The following L3MBTL4 variants were observed in gnomAD, a reference collection of about 807,000 sequenced individuals.
The protein encoded by L3MBTL4 is L3MBTL histone methyl-lysine binding protein 4.
A neutral mutation model predicts 84.5 loss-of-function variants in L3MBTL4; 70 were observed. That is an observed-to-expected ratio of 0.83 (90% CI 0.68 to 1.01). The LOEUF (loss-of-function observed/expected upper bound fraction) is 1.01, where lower values mean the gene tolerates loss of function less well. Among genes scored for constraint, L3MBTL4 ranks in the 50% least tolerant of loss-of-function variants. L3MBTL4 has a pLI of 0.00. For synonymous variants in L3MBTL4, 274 were observed against 259.8 expected (o/e 1.05, Z -0.52); for missense variants, 715 against 754.8 (o/e 0.95, Z 0.62).
intron 16 of L3MBTL4, among the ~76,000 whole-genome samples, chr18:6,009,585 A>C (rs878925005): frequency 6.6e-6 from 1 of 152,178 alleles, no homozygotes; most frequent in South Asian, 2.1e-4. Flanking sequence ...TCCCTTATAT[A>C]AAATGGTGTG....
chr18:6,411,189 C>A (rs191442832), intron 1 of L3MBTL4, among the ~76,000 whole-genome samples: 2 of 152,278 alleles, frequency 1.3e-5, no homozygotes, highest in Admixed American at 6.5e-5. Context: ...CTAATTTCAT[C>A]GTTCTGCTTT....
chr18:6,250,622 C>G (rs959312499), intron 5 of L3MBTL4, among the ~76,000 whole-genome samples: 1 of 152,076 alleles, frequency 6.6e-6, no homozygotes, highest in African/African-American at 2.4e-5. Flanking sequence ...CATTTTAATT[C>G]AGCATTGAGA....
At chr18:6,185,682 A>G (rs1327547726) in intron 12 of L3MBTL4, among the ~76,000 whole-genome samples, 2 of 152,216 alleles carry the variant, frequency 1.3e-5, no homozygotes, top group Non-Finnish European at 2.9e-5. Flanking sequence ...ACAAGTCTAC[A>G]AGAAATCCTG....
intron 15 of L3MBTL4, 66 bp from the exon 16 acceptor site, chr18:6,081,017 CA>C: frequency 3.3e-6 from 4 of 1,212,678 alleles, no homozygotes; most frequent in Non-Finnish European, 4.7e-6. Flanking sequence ...ATCATGATAG[CA>C]GCACAAATTT....
chr18:6,036,005 T>C (rs1047530388), intron 16 of L3MBTL4, among the ~76,000 whole-genome samples: 1 of 152,200 alleles, frequency 6.6e-6, no homozygotes, highest in Non-Finnish European at 1.5e-5. Context: ...TATCTTTGTG[T>C]TTTTTAGTAC....
intron 15 of L3MBTL4, among the ~76,000 whole-genome samples, chr18:6,087,836 T>C (rs1050378462): frequency 6.6e-6 from 1 of 152,222 alleles, no homozygotes; most frequent in African/African-American, 2.4e-5. Context: ...CCCATTCATA[T>C]ATCTATAGCA....
chr18:6,292,951 CA>C (rs376389270), intron 4 of L3MBTL4, among the ~76,000 whole-genome samples: 49 of 152,220 alleles, frequency 3.2e-4, no homozygotes, highest in Non-Finnish European at 6.2e-4. Flanking sequence ...TTACTAGTGC[CA>C]AAAAACTTTC....
At chr18:6,186,163 C>T (rs1254016193) in intron 12 of L3MBTL4, among the ~76,000 whole-genome samples, 1 of 151,940 alleles carries the variant, frequency 6.6e-6, no homozygotes, top group Non-Finnish European at 1.5e-5. Context: ...CAGGTGCCCA[C>T]CACCATGCCT....
At chr18:6,399,213 G>A (rs536209759) in intron 1 of L3MBTL4, among the ~76,000 whole-genome samples, 3 of 152,300 alleles carry the variant, frequency 2.0e-5, no homozygotes, top group South Asian at 2.1e-4. Flanking sequence ...GCCGAGGAGG[G>A]GAGATCACGA....
chr18:6,175,169 T>G (rs928830092), intron 12 of L3MBTL4, among the ~76,000 whole-genome samples: 2 of 152,088 alleles, frequency 1.3e-5, no homozygotes, highest in Non-Finnish European at 2.9e-5. Context: ...AGGGAAACCC[T>G]GAAAGCAACC....
intron 12 of L3MBTL4, among the ~76,000 whole-genome samples, chr18:6,209,567 A>T (rs1404255955): frequency 1.3e-5 from 2 of 152,162 alleles, no homozygotes; most frequent in Non-Finnish European, 1.5e-5. Flanking sequence ...CAGTGCAGCC[A>T]CTTCAGAAAA....
chr18:6,206,497 T>TG (rs1398931649), intron 12 of L3MBTL4, among the ~76,000 whole-genome samples: 1 of 152,014 alleles, frequency 6.6e-6, no homozygotes, highest in Non-Finnish European at 1.5e-5. Context: ...GGGTACAGGG[T>TG]GGGGGAGTTA....
intron 10 of L3MBTL4, among the ~76,000 whole-genome samples, chr18:6,237,757 C>T (rs1208010204): frequency 2.0e-5 from 3 of 151,970 alleles, no homozygotes; most frequent in Non-Finnish European, 4.4e-5. Flanking sequence ...CACCCAGCAC[C>T]TAATGCATCT....
intron 1 of L3MBTL4, among the ~76,000 whole-genome samples, chr18:6,393,727 C>A (rs1676745400): frequency 6.6e-6 from 1 of 152,188 alleles, no homozygotes; most frequent in African/African-American, 2.4e-5. Flanking sequence ...GCTGCTACTG[C>A]CCTGGTTGGA....
intron 10 of L3MBTL4, among the ~76,000 whole-genome samples, chr18:6,222,523 T>A (rs1236178758): frequency 8.5e-5 from 13 of 152,182 alleles, no homozygotes; most frequent in Non-Finnish European, 1.9e-4. Flanking sequence ...TCTAACCCAA[T>A]GTTTTGGCAG....
chr18:6,301,514 T>C (rs1461241232), intron 4 of L3MBTL4, among the ~76,000 whole-genome samples: 1 of 152,178 alleles, frequency 6.6e-6, no homozygotes, highest in Admixed American at 6.5e-5. Flanking sequence ...CACAATCTCC[T>C]CTACAACATG....
intron 16 of L3MBTL4, among the ~76,000 whole-genome samples, chr18:5,992,452 A>C (rs1224945807): frequency 6.6e-6 from 1 of 152,212 alleles, no homozygotes; most frequent in East Asian, 1.9e-4. Context: ...GGTGGAGACC[A>C]GGAAATCCCC....
intron 16 of L3MBTL4, chr18:6,029,821 G>T (rs2055695632): frequency 3.0e-6 from 3 of 985,242 alleles, no homozygotes; most frequent in Non-Finnish European, 2.4e-6. Flanking sequence ...AACGAGTAAG[G>T]GTAGCTGAGG....
intron 17 of L3MBTL4, among the ~76,000 whole-genome samples, chr18:5,961,469 C>CT (rs1051650432): frequency 6.6e-6 from 1 of 152,330 alleles, no homozygotes; most frequent in African/African-American, 2.4e-5. Flanking sequence ...TTCAGAATAT[C>CT]TTTTTTTAGG....
Sources: allele counts gnomAD v4.1 joint callset (sites outside exome capture counted in the v4.1 genomes callset), GRCh38; gene constraint gnomAD v4.1.1; transcripts MANE v1.5; gene names NCBI Gene and HGNC (gene_info 2026-07-23, HGNC 2026-07-21).